The following ADAMTSL1 variants were observed in gnomAD, a reference collection of about 807,000 sequenced individuals.
ADAMTSL1 encodes the protein ADAMTS-like protein 1.
Under a neutral mutation model 201.8 loss-of-function variants are expected in ADAMTSL1, and 126 were observed. That is an observed-to-expected ratio of 0.62 (90% confidence interval 0.54 to 0.72). The LOEUF (loss-of-function observed/expected upper bound fraction) is 0.72, where lower values mean the gene tolerates loss of function less well. Among genes scored for constraint, ADAMTSL1 ranks in the 30% least tolerant of loss-of-function variants. The pLI is 0.00. For synonymous variants in ADAMTSL1, 1,121 were observed against 903.4 expected, an observed-to-expected ratio of 1.24 and a Z score of -4.32; for missense variants, 2,679 against 2,277.8, an observed-to-expected ratio of 1.18 and a Z score of -3.59.
chr9:18,173,372 C>T (rs1264331670), intron 2 of ADAMTSL1, among the ~76,000 whole-genome samples: 6 of 152,050 alleles, frequency 3.9e-5, no homozygotes, highest in Admixed American at 2.6e-4. Context: ...ATGGGGCCTC[C>T]TATGAGTTCA....
intron 26 of ADAMTSL1, among the ~76,000 whole-genome samples, chr9:18,902,858 G>A (rs1053503200): frequency 5.3e-5 from 8 of 152,118 alleles, no homozygotes; most frequent in Admixed American, 3.9e-4. Context: ...GAGAAGACTC[G>A]AATTCCTAAA....
chr9:18,528,853 T>C (rs905499395), intron 2 of ADAMTSL1, among the ~76,000 whole-genome samples: 1 of 152,202 alleles, frequency 6.6e-6, no homozygotes, highest in Non-Finnish European at 1.5e-5. Flanking sequence ...ATCATTTGTC[T>C]ATAGCTTTTC....
intron 13 of ADAMTSL1, among the ~76,000 whole-genome samples, chr9:18,705,898 A>T (rs1832203349): frequency 6.6e-6 from 1 of 152,348 alleles, no homozygotes; most frequent in African/African-American, 2.4e-5. Context: ...GGCACAAGTG[A>T]TGGAGTCACA....
intron 2 of ADAMTSL1, among the ~76,000 whole-genome samples, chr9:18,268,426 A>G (rs1832224705): frequency 6.6e-6 from 1 of 152,140 alleles, no homozygotes; most frequent in South Asian, 2.1e-4. Context: ...ACATGATGAG[A>G]TTTCAGAATT....
At chr9:18,321,141 G>T (rs1045191218) in intron 2 of ADAMTSL1, among the ~76,000 whole-genome samples, 1 of 152,104 alleles carries the variant, frequency 6.6e-6, no homozygotes, top group African/African-American at 2.4e-5. Flanking sequence ...AGACAAGTAA[G>T]CATGAGAAAG....
chr9:18,775,973 C>T, intron 18 of ADAMTSL1, 77 bp downstream of exon 18: 1 of 1,521,192 alleles, frequency 6.6e-7, no homozygotes, highest in South Asian at 1.2e-5. Context: ...CCGTGGCCTT[C>T]CCTAAACTCA....
intron 2 of ADAMTSL1, among the ~76,000 whole-genome samples, chr9:18,190,027 G>T (rs553763405): frequency 6.6e-6 from 1 of 152,172 alleles, no homozygotes; most frequent in East Asian, 1.9e-4. Flanking sequence ...ACAAGAATGA[G>T]CCTGGTCAGG....
Position 18,741,087 on chromosome 9 carries a change from G to A in ADAMTSL1, c.2007-12211G>A, listed in dbSNP as rs530238742. Among the ~76,000 whole-genome samples the A allele has an allele frequency of 2.6e-5, 4 of 152,122 alleles. No individual in the cohort carries two copies. The South Asian group carries it at 8.3e-4, about 32-fold the overall frequency. On this transcript the variant is annotated intron_variant, in intron 15 of 28. Transcript: ENST00000380548. ...AGAGGTCTGACTCATTTACTACTCT[G>A]TCTCCTTACATAAAGCCTGGCACAC...
At chr9:18,290,327 G>C (rs1170450722) in intron 2 of ADAMTSL1, among the ~76,000 whole-genome samples, 1 of 151,210 alleles carries the variant, frequency 6.6e-6, no homozygotes, top group Non-Finnish European at 1.5e-5. Context: ...AAATTGGCAG[G>C]AGCAAGATGA....
intron 2 of ADAMTSL1, among the ~76,000 whole-genome samples, chr9:18,269,332 A>T (rs1832265261): frequency 6.6e-6 from 1 of 152,176 alleles, no homozygotes; most frequent in Non-Finnish European, 1.5e-5. Flanking sequence ...TAAGTGCTTA[A>T]TAAACATGTA....
intron 19 of ADAMTSL1, among the ~76,000 whole-genome samples, chr9:18,791,096 T>G (rs1044327067): frequency 6.6e-6 from 1 of 152,194 alleles, no homozygotes; most frequent in Non-Finnish European, 1.5e-5. Context: ...CGAATTAAGC[T>G]AAATTAATAG....
At chr9:18,645,084 C>G (rs1827710097) in intron 7 of ADAMTSL1, among the ~76,000 whole-genome samples, 1 of 152,128 alleles carries the variant, frequency 6.6e-6, no homozygotes, top group African/African-American at 2.4e-5. Context: ...GCCATTCTAC[C>G]TGGTGTGAGA....
At chr9:18,470,953 G>A (rs1204272834), upstream of ADAMTSL1, among the ~76,000 whole-genome samples, 5 of 152,270 alleles carry the variant, frequency 3.3e-5, no homozygotes, top group South Asian at 2.1e-4. Flanking sequence ...ACTTGCAGAC[G>A]GTTTTAATTT....
In ADAMTSL1 at chr9:18,657,769, T is replaced by C. The variant is rs748344122; in HGVS notation, c.946+19T>C. ...GGAGGAGGTAATGGTGTTCACTTAG[T>C]CTAAAAACTGTTGGCTTCTGTGAGG... On this transcript the variant is annotated intron_variant, in intron 8 of 28. Coordinates refer to ENST00000380548, the MANE Select transcript of ADAMTSL1 (RefSeq NM_001040272.6). 3 of 1,592,250 alleles carry C rather than the reference T, an allele frequency of 1.9e-6. No individual in the cohort carries two copies. The highest frequency in any genetic ancestry group is 2.2e-5 in the South Asian group (2 of 90,666).
intron 23 of ADAMTSL1, among the ~76,000 whole-genome samples, chr9:18,847,262 G>A (rs1227469773): frequency 6.6e-6 from 1 of 152,082 alleles, no homozygotes; most frequent in African/African-American, 2.4e-5. Flanking sequence ...GTGGGGGTAG[G>A]GGGCATTTAA....
chr9:18,680,353 G>C lies in ADAMTSL1; in HGVS notation c.1178G>C (p.Gly393Ala), dbSNP rs750969735. The C allele has an allele frequency of 5.6e-6, 9 of 1,613,960 alleles. No individual in the cohort carries two copies. Among genetic ancestry groups the C allele is most frequent in the Admixed American group, 5.0e-5 (3 of 59,984 alleles). ...TGGACCGCGTGCTCCTCCTCGTGTG[G>C]GGGGGGCATCCAGAGCCGGGCAGTT... Reference protein sequence around the residue: ...TPWTACSSSCGGGIQSRAVSC... With the variant: ...TPWTACSSSCAGGIQSRAVSC... Residue 393 changes from glycine to alanine, a missense_variant, in exon 11 of 29, where the codon GGG (glycine) becomes GCG (alanine). By Grantham distance (60) the Gly-to-Ala change is moderately conservative (BLOSUM62 0). Transcript: ENST00000380548.
chr9:18,818,902 A>T (rs191522416), intron 21 of ADAMTSL1, among the ~76,000 whole-genome samples: 1 of 152,174 alleles, frequency 6.6e-6, no homozygotes. Flanking sequence ...CAGCCTCATC[A>T]GTGAAATCTA....
intron 8 of ADAMTSL1, among the ~76,000 whole-genome samples, chr9:18,658,263 C>A (rs1340017603): frequency 2.6e-5 from 4 of 152,146 alleles, no homozygotes; most frequent in African/African-American, 9.7e-5. Flanking sequence ...CGTGAGCCAC[C>A]GTGCCCGACC....
upstream of ADAMTSL1, among the ~76,000 whole-genome samples, chr9:18,469,333 G>A (rs1821119667): frequency 6.6e-6 from 1 of 152,166 alleles, no homozygotes; most frequent in African/African-American, 2.4e-5. Context: ...TATGATTTGG[G>A]CAAGTACTTT....
Sources: allele counts gnomAD v4.1 joint callset (sites outside exome capture counted in the v4.1 genomes callset), GRCh38; gene constraint gnomAD v4.1.1; transcripts MANE v1.5; gene names NCBI Gene and HGNC (gene_info 2026-07-23, HGNC 2026-07-21).